Variants in TFR2 observed in about 807,000 individuals in gnomAD.
TFR2 encodes transferrin receptor protein 2.
TFR2 carries 64 observed loss-of-function variants against 91.9 expected under a neutral mutation model. The ratio of observed to expected loss-of-function variants is 0.70; its 90% CI spans 0.57 to 0.86. The LOEUF (loss-of-function observed/expected upper bound fraction) is 0.86. TFR2 is among the 40% of genes least tolerant of loss of function. The pLI is 0.00. For synonymous variants in TFR2, 454 were observed against 459.6 expected, an observed-to-expected ratio of 0.99 and a Z score of 0.15; for missense variants, 950 against 1,080.5, an observed-to-expected ratio of 0.88 and a Z score of 1.69.
chr7:100,627,173 C>T (rs537868956), intron 16 of TFR2, 91 bp downstream of exon 16: 1 of 1,419,818 alleles, frequency 7.0e-7, no homozygotes, highest in African/African-American at 1.4e-5. Context: ...GGACCTAGAC[C>T]CCAGGGAATG....
At chr7:100,639,102 C>T (rs890701213) in intron 3 of TFR2, among the ~76,000 whole-genome samples, 3 of 152,222 alleles carry the variant, frequency 2.0e-5, no homozygotes, top group African/African-American at 7.2e-5. Context: ...TGGCTCATGC[C>T]TGTAATCCCA....
intron 10 of TFR2, 55 bp downstream of exon 10, chr7:100,629,198 G>A (rs574605484): frequency 4.4e-5 from 71 of 1,608,172 alleles, no homozygotes; most frequent in South Asian, 1.3e-4. Flanking sequence ...TATCCTCCTC[G>A]GGCCACAGGC....
chr7:100,626,648 C>T (rs1803257700), intron 17 of TFR2, 115 bp downstream of exon 17: 2 of 1,489,484 alleles, frequency 1.3e-6, no homozygotes, highest in Non-Finnish European at 1.8e-6. Context: ...TCCAGAGGAC[C>T]GGGACTGTGT....
rs1348067198 is a variant in TFR2, at chr7:100,626,880, C to G, written c.2019G>C (p.Trp673Cys). 3.9e-6 allele frequency: 6 copies of G among 1,545,464 alleles called. No individual in the cohort carries two copies. The highest frequency in any genetic ancestry group is 1.4e-5 in the African/African-American group (1 of 73,148). The change falls in exon 17 of 18, where the codon TGG becomes TGC. Residue 673 changes from tryptophan to cysteine, a missense_variant. Transcript: ENST00000223051. ...DLKARGLTLQ[W>C]VYSARGDYIR... is the part of the protein sequence containing the mutation. Reference sequence around the variant, plus strand: ...TGTAGTCCCCCCGCGCCGAGTACACCCACTGCAGGGTCAGCCCGCGGGCCT... The same window carrying G: ...TGTAGTCCCCCCGCGCCGAGTACACGCACTGCAGGGTCAGCCCGCGGGCCT...
At chr7:100,637,988 C>T (rs1254086444) in intron 3 of TFR2, among the ~76,000 whole-genome samples, 3 of 151,830 alleles carry the variant, frequency 2.0e-5, no homozygotes, top group South Asian at 2.1e-4. Flanking sequence ...TGCGCCACTA[C>T]GCCCGGCTAA....
At chr7:100,640,511 C>T (rs1021046184) in intron 3 of TFR2, 175 bp downstream of exon 3, 4 of 707,594 alleles carry the variant, frequency 5.7e-6, no homozygotes, top group Admixed American at 5.8e-5. Context: ...AACCTCAGCT[C>T]CGAATGCCTG....
In TFR2 at chr7:100,630,967, G is replaced by C. The variant is rs138189378; in HGVS notation, c.1192C>G (p.Arg398Gly). ...PYHLGPGPRL[R>G]LVVNNHRTST... Reference sequence around the variant, plus strand: ...GTCCTGTGATTGTTGACCACTAGCCGCAGTCGTGGCCCGGGGCCCAGGTGA... The same window carrying C: ...GTCCTGTGATTGTTGACCACTAGCCCCAGTCGTGGCCCGGGGCCCAGGTGA... Residue 398 changes from arginine to glycine, a missense_variant, in exon 9 of 18, where the codon CGG (arginine) becomes GGG (glycine). Transcript: ENST00000223051. The C allele has an allele frequency of 4.0e-5, 64 of 1,612,776 alleles. No individual in the cohort carries two copies. The African/African-American group carries it at 6.7e-4, about 17-fold the overall frequency.
chr7:100,633,698 CTTTTTTTTT>C (rs397890558), intron 3 of TFR2, 142 bp from the exon 4 acceptor site: 670 of 215,524 alleles, frequency 3.1e-3, no homozygotes, highest in East Asian at 7.1e-3. Flanking sequence ...CCCGCGGACG[CTTTTTTTTT>C]TTTTTTTTTT....
At chr7:100,637,673 C>T (rs1028668952) in intron 3 of TFR2, among the ~76,000 whole-genome samples, 2 of 151,798 alleles carry the variant, frequency 1.3e-5, no homozygotes, top group South Asian at 2.1e-4. Context: ...ATTAGCTGGG[C>T]GTGGTGGCCC....
intron 17 of TFR2, among the ~76,000 whole-genome samples, chr7:100,621,672 CT>C (rs1306876082): frequency 9.2e-5 from 14 of 152,182 alleles, no homozygotes. Flanking sequence ...CTGTTCCCTT[CT>C]TAACACCACA....
chr7:100,624,674 T>C (rs1803204464), intron 17 of TFR2, among the ~76,000 whole-genome samples: 1 of 152,134 alleles, frequency 6.6e-6, no homozygotes, highest in African/African-American at 2.4e-5. Flanking sequence ...GAGACAAGCC[T>C]GGACAATATA....
intron 3 of TFR2, 146 bp from the exon 4 acceptor site, chr7:100,633,702 T>A (rs2131321208): frequency 1.3e-5 from 1 of 75,388 alleles, no homozygotes; most frequent in Non-Finnish European, 1.7e-5. Context: ...CGGACGCTTT[T>A]TTTTTTTTTT....
chr7:100,626,072 T>A (rs1803242352), intron 17 of TFR2, among the ~76,000 whole-genome samples: 1 of 152,180 alleles, frequency 6.6e-6, no homozygotes, highest in Non-Finnish European at 1.5e-5. Context: ...TGATCCTGTT[T>A]ACTATTTTGC....
intron 9 of TFR2, among the ~76,000 whole-genome samples, chr7:100,630,562 T>C (rs1387716096): frequency 6.6e-6 from 1 of 152,238 alleles, no homozygotes; most frequent in Non-Finnish European, 1.5e-5. Context: ...AGTGCTGGGA[T>C]TACAGGCGTG....
chr7:100,621,029 A>C lies in TFR2; in HGVS notation c.2234T>G (p.Leu745Arg), dbSNP rs560223878. 2.4e-5 allele frequency: 39 copies of C among 1,594,768 alleles called. No homozygotes were observed. In the East Asian group the frequency reaches 8.9e-4, roughly 36 times the overall value. Reference protein sequence around the residue: ...GRGDHTLGALLDHLRLLRSNS... With the variant: ...GRGDHTLGALRDHLRLLRSNS... Reference sequence around the variant, plus strand: ...GGAGCGCAGCAGCCGCAGGTGGTCCAGCAGGGCGCCCAGCGTGTGGTCTCC... The same window carrying C: ...GGAGCGCAGCAGCCGCAGGTGGTCCCGCAGGGCGCCCAGCGTGTGGTCTCC... The change falls in exon 18 of 18, where the codon CTG becomes CGG. Residue 745 changes from leucine to arginine, a missense_variant. By Grantham distance (102) the Leu-to-Arg change is moderately radical. Transcript: ENST00000223051.
At chr7:100,631,074 A>AG in intron 8 of TFR2, 22 bp from the exon 9 acceptor site, 1 of 1,537,264 alleles carries the variant, frequency 6.5e-7, no homozygotes, top group Non-Finnish European at 8.7e-7. Flanking sequence ...GAAGGCAGAA[A>AG]GGGGGAAGTT....
Position 100,629,280 on chromosome 7 carries a change from G to A in TFR2, c.1363C>T (p.Arg455Trp), listed in dbSNP as rs749498767. 9.3e-6 allele frequency: 15 copies of A among 1,613,876 alleles called. No homozygotes were observed. Among genetic ancestry groups the A allele is most frequent in the Admixed American group, 1.7e-5 (1 of 59,996 alleles). ...VGTAILLELVRTFSSMVSNGF... is the reference protein window; with the variant it reads ...VGTAILLELVWTFSSMVSNGF... ...TTGCTCACCATGGAGGAAAAGGTCC[G>A]CACCAGCTCCAGGAGTATAGCCGTC... The change falls in exon 10 of 18, where the codon CGG (arginine) becomes TGG (tryptophan). Residue 455 changes from arginine to tryptophan, a missense_variant. Coordinates refer to ENST00000223051, the MANE Select transcript of TFR2 (RefSeq NM_003227.4).
intron 5 of TFR2, 40 bp downstream of exon 5, chr7:100,633,189 G>C: frequency 6.2e-7 from 1 of 1,613,174 alleles, no homozygotes; most frequent in Non-Finnish European, 8.5e-7. Context: ...GAAAGGGCTC[G>C]TGCCGCGCCC....
rs1803257808 is a variant in TFR2 at position 100,626,649 on chromosome 7, G to C, written c.2136+114C>G. On this transcript the variant is annotated intron_variant, in intron 17 of 17. Transcript: ENST00000223051. ...CTGGGAAGAGAGCATCCAGAGGACC[G>C]GGACTGTGTAGGCGGGGAGAGAGAG... The C allele has an allele frequency of 1.1e-5, 17 of 1,495,546 alleles. 1 individual carries two copies. In the South Asian group the frequency reaches 1.3e-4, roughly 11 times the overall value. 92.6% of individuals were successfully genotyped at this position (1,495,546 alleles called of 1,614,324 possible).
Sources: allele counts gnomAD v4.1 joint callset (sites outside exome capture counted in the v4.1 genomes callset), GRCh38; gene constraint gnomAD v4.1.1; transcripts MANE v1.5; gene names NCBI Gene and HGNC (gene_info 2026-07-23, HGNC 2026-07-21).